Variants in KCNN2 observed in about 807,000 individuals in gnomAD.
KCNN2 encodes the protein potassium calcium-activated channel subfamily N member 2.
KCNN2 carries 24 observed loss-of-function variants against 55.5 expected under a neutral mutation model. The observed-to-expected ratio is 0.43, with a 90% confidence interval of 0.31 to 0.61. KCNN2 has a LOEUF of 0.61. KCNN2 is among the 20% of genes least tolerant of loss of function. KCNN2 has a pLI of 0.08. For synonymous variants in KCNN2, 431 were observed against 336.1 expected, an observed-to-expected ratio of 1.28 and a Z score of -3.09; for missense variants, 754 against 853.6, an observed-to-expected ratio of 0.88 and a Z score of 1.45.
intron 2 of KCNN2, among the ~76,000 whole-genome samples, chr5:114,273,294 G>C (rs977286713): frequency 6.6e-6 from 1 of 152,100 alleles, no homozygotes; most frequent in Non-Finnish European, 1.5e-5. Flanking sequence ...CATTTGGGTT[G>C]GTTCCAAGTC....
intron 2 of KCNN2, among the ~76,000 whole-genome samples, chr5:114,313,387 G>A (rs1362985589): frequency 1.3e-5 from 2 of 152,136 alleles, no homozygotes; most frequent in African/African-American, 2.4e-5. Flanking sequence ...ACAAGCTTAA[G>A]TCATTTGTAT....
intron 1 of KCNN2, among the ~76,000 whole-genome samples, chr5:114,184,583 G>C (rs1561513392): frequency 6.6e-6 from 1 of 152,008 alleles, no homozygotes; most frequent in Non-Finnish European, 1.5e-5. Context: ...ATTTGCCTGT[G>C]GCTTTAGTGT....
At chr5:114,229,285 CCTG>C (rs1754307085) in intron 2 of KCNN2, among the ~76,000 whole-genome samples, 1 of 150,950 alleles carries the variant, frequency 6.6e-6, no homozygotes, top group African/African-American at 2.4e-5. Context: ...TACTAAGATC[CCTG>C]CTTTTTTTTT....
intron 2 of KCNN2, among the ~76,000 whole-genome samples, chr5:114,401,757 A>T (rs1359613731): frequency 6.6e-6 from 1 of 152,178 alleles, no homozygotes; most frequent in Non-Finnish European, 1.5e-5. Flanking sequence ...ATGTACGAAG[A>T]CCCAGAAGCA....
At chr5:114,327,500 A>C (rs1211203691) in intron 2 of KCNN2, among the ~76,000 whole-genome samples, 1 of 152,244 alleles carries the variant, frequency 6.6e-6, no homozygotes, top group African/African-American at 2.4e-5. Flanking sequence ...TTTTCTGAAA[A>C]GATAAAAAAC....
chr5:114,122,827 G>T (rs1334456086), intron 1 of KCNN2, among the ~76,000 whole-genome samples: 1 of 152,222 alleles, frequency 6.6e-6, no homozygotes, highest in Non-Finnish European at 1.5e-5. Context: ...AGACATAGAA[G>T]AGAAATCACC....
chr5:114,175,021 T>C (rs1425172408), intron 1 of KCNN2, among the ~76,000 whole-genome samples: 1 of 152,202 alleles, frequency 6.6e-6, no homozygotes, highest in Non-Finnish European at 1.5e-5. Context: ...GCATCGCTTT[T>C]AACCACTGAT....
chr5:114,439,331 A>G (rs1275049928), intron 3 of KCNN2, among the ~76,000 whole-genome samples: 1 of 152,194 alleles, frequency 6.6e-6, no homozygotes, highest in Non-Finnish European at 1.5e-5. Context: ...CTGCAGTAAG[A>G]ATATAATTTA....
intron 2 of KCNN2, among the ~76,000 whole-genome samples, chr5:114,382,744 C>A (rs1758160923): frequency 6.6e-6 from 1 of 152,128 alleles, no homozygotes; most frequent in Non-Finnish European, 1.5e-5. Flanking sequence ...TACCAAAAAA[C>A]AAATGGATGG....
intron 3 of KCNN2, among the ~76,000 whole-genome samples, chr5:114,406,739 C>G (rs191793349): frequency 3.9e-5 from 6 of 152,176 alleles, no homozygotes; most frequent in Admixed American, 3.3e-4. Flanking sequence ...ATGTTGGGGA[C>G]TTTCTTTGCC....
At chr5:114,357,108 G>A (rs1412955890), upstream of KCNN2, among the ~76,000 whole-genome samples, 2 of 151,976 alleles carry the variant, frequency 1.3e-5, no homozygotes, top group Non-Finnish European at 2.9e-5. Context: ...ATGGGAAACA[G>A]ATGCCAGGGA....
At chr5:114,455,159 A>C (rs1760864243) in intron 3 of KCNN2, among the ~76,000 whole-genome samples, 1 of 152,002 alleles carries the variant, frequency 6.6e-6, no homozygotes, top group South Asian at 2.1e-4. Context: ...ATTGTGTTTC[A>C]CAGATACTGC....
chr5:114,290,365 T>C (rs1755859789), intron 2 of KCNN2, among the ~76,000 whole-genome samples: 1 of 152,108 alleles, frequency 6.6e-6, no homozygotes, highest in South Asian at 2.1e-4. Flanking sequence ...TATAGGTTAG[T>C]ATATAGAATT....
At chr5:114,360,256 ACAT>A (rs1162467384), upstream of KCNN2, among the ~76,000 whole-genome samples, 8 of 152,320 alleles carry the variant, frequency 5.3e-5, no homozygotes, top group African/African-American at 1.7e-4. Flanking sequence ...TGTCCAAAGA[ACAT>A]CATAAAATGA....
intron 3 of KCNN2, among the ~76,000 whole-genome samples, chr5:114,416,348 C>T (rs1759304832): frequency 6.6e-6 from 1 of 152,012 alleles, no homozygotes; most frequent in African/African-American, 2.4e-5. Context: ...ATGTGTCTGA[C>T]CCCGTTTTAG....
chr5:114,445,494 T>TA (rs1760370990), intron 3 of KCNN2, among the ~76,000 whole-genome samples: 1 of 152,222 alleles, frequency 6.6e-6, no homozygotes, highest in South Asian at 2.1e-4. Flanking sequence ...AAGAAAGCTT[T>TA]AGTTGGCTGC....
chr5:114,339,073 G>A lies in KCNN2; in HGVS notation c.-184-21872G>A, dbSNP rs1239998608. Among the ~76,000 whole-genome samples, 40 of 152,226 alleles carry A rather than the reference G, an allele frequency of 2.6e-4. 1 individual carries two copies. Among genetic ancestry groups the A allele is most frequent in the Non-Finnish European group, 5.7e-4 (39 of 68,042 alleles). ...GTGCTTAAGACCATTGGCCTACTAA[G>A]AGGTAGACAACTCCTTTGGTGGTTT... On this transcript the variant is annotated intron_variant, in intron 2 of 10. Transcript: ENST00000512097.
intron 1 of KCNN2, among the ~76,000 whole-genome samples, chr5:114,149,344 G>A (rs115968750): frequency 0.018 from 2,719 of 152,148 alleles, 74 homozygotes; most frequent in African/African-American, 0.061. Flanking sequence ...AGGCCATATT[G>A]GGTGCCAGAT....
intron 1 of KCNN2, among the ~76,000 whole-genome samples, chr5:114,058,947 C>T (rs934160322): frequency 1.3e-5 from 2 of 152,106 alleles, no homozygotes; most frequent in Non-Finnish European, 2.9e-5. Context: ...CTCGGGGGGT[C>T]AAGTTGCTGA....
Sources: allele counts gnomAD v4.1 joint callset (sites outside exome capture counted in the v4.1 genomes callset), GRCh38; gene constraint gnomAD v4.1.1; transcripts MANE v1.5; gene names NCBI Gene and HGNC (gene_info 2026-07-23, HGNC 2026-07-21).